Variants in DISP1 observed in about 807,000 individuals in gnomAD.
DISP1 encodes protein dispatched homolog 1.
Under a neutral mutation model 37.3 loss-of-function variants are expected in DISP1, and 30 were observed. The ratio of observed to expected loss-of-function variants is 0.80; its 90% CI spans 0.60 to 1.09. The LOEUF (loss-of-function observed/expected upper bound fraction) is 1.09. DISP1 is among the 50% of genes least tolerant of loss of function. The pLI is 0.00. For missense variants in DISP1, 1,598 were observed against 1,879.5 expected, an observed-to-expected ratio of 0.85 and a Z score of 2.77; for synonymous variants, 634 against 690.2, an observed-to-expected ratio of 0.92 and a Z score of 1.28.
chr1:222,831,978 G>C (rs1286763323), intron 1 of DISP1, among the ~76,000 whole-genome samples: 1 of 152,078 alleles, frequency 6.6e-6, no homozygotes, highest in Admixed American at 6.6e-5. Context: ...GAAAAGTAGA[G>C]TGGGTAAGAA....
chr1:222,873,067 C>T (rs1248405541), intron 1 of DISP1, among the ~76,000 whole-genome samples: 7 of 152,088 alleles, frequency 4.6e-5, no homozygotes, highest in Admixed American at 2.0e-4. Context: ...GTTCAGTTTC[C>T]ATGTAGTTGA....
At chr1:222,968,584 A>G (rs1676676481) in intron 3 of DISP1, among the ~76,000 whole-genome samples, 1 of 152,154 alleles carries the variant, frequency 6.6e-6, no homozygotes, top group Non-Finnish European at 1.5e-5. Context: ...TTATTTTTAC[A>G]ATATTGGGTG....
intron 1 of DISP1, among the ~76,000 whole-genome samples, chr1:222,856,655 G>T (rs978695179): frequency 6.6e-5 from 10 of 151,562 alleles, no homozygotes; most frequent in Non-Finnish European, 1.3e-4. Context: ...TGCCATTTGG[G>T]CAAGAATATT....
chr1:222,884,429 C>G (rs1390642967), intron 1 of DISP1, among the ~76,000 whole-genome samples: 1 of 152,194 alleles, frequency 6.6e-6, no homozygotes, highest in Non-Finnish European at 1.5e-5. Context: ...TCCGTAGTCT[C>G]TTCCAATCTG....
chr1:222,909,782 G>C (rs2125419197), intron 1 of DISP1, among the ~76,000 whole-genome samples: 1 of 152,288 alleles, frequency 6.6e-6, no homozygotes, highest in South Asian at 2.1e-4. Flanking sequence ...CAAGCTCCTG[G>C]CCAGAAGCAG....
At chr1:222,864,580 GA>G (rs1669070652) in intron 1 of DISP1, among the ~76,000 whole-genome samples, 1 of 151,796 alleles carries the variant, frequency 6.6e-6, no homozygotes. Flanking sequence ...CAATAAAATT[GA>G]TCTATTAAAA....
chr1:222,820,628 G>A (rs894384250), intron 1 of DISP1, among the ~76,000 whole-genome samples: 1 of 152,264 alleles, frequency 6.6e-6, no homozygotes, highest in East Asian at 1.9e-4. Flanking sequence ...CTGAATTATG[G>A]TAATAATAAT....
At chr1:222,989,969 AT>A (rs1678574476) in intron 4 of DISP1, among the ~76,000 whole-genome samples, 1 of 151,630 alleles carries the variant, frequency 6.6e-6, no homozygotes, top group African/African-American at 2.4e-5. Flanking sequence ...TGCCCAACTA[AT>A]TTTTTGTATT....
chr1:222,857,458 G>T (rs1453082978), intron 1 of DISP1, among the ~76,000 whole-genome samples: 2 of 152,078 alleles, frequency 1.3e-5, no homozygotes, highest in Admixed American at 1.3e-4. Flanking sequence ...AAGAAAGAAA[G>T]CATAGTCAAA....
chr1:222,896,172 G>A (rs892366635), intron 1 of DISP1, among the ~76,000 whole-genome samples: 3 of 152,092 alleles, frequency 2.0e-5, no homozygotes, highest in Admixed American at 6.5e-5. Context: ...AGCTGAGCAT[G>A]GTGATGCATG....
chr1:222,842,316 A>ATTTT (rs1409155560), intron 1 of DISP1, among the ~76,000 whole-genome samples: 82 of 149,202 alleles, frequency 5.5e-4, no homozygotes, highest in Non-Finnish European at 8.4e-4. Context: ...GTCATTTTAA[A>ATTTT]AAAAAAAAAA....
intron 1 of DISP1, among the ~76,000 whole-genome samples, chr1:222,816,316 T>C (rs1661244184): frequency 1.3e-5 from 2 of 152,146 alleles, no homozygotes; most frequent in Admixed American, 6.6e-5. Context: ...CTACATAATA[T>C]AGTGTTTCAC....
At chr1:222,905,919 G>C (rs1300217303) in intron 1 of DISP1, among the ~76,000 whole-genome samples, 4 of 152,188 alleles carry the variant, frequency 2.6e-5, no homozygotes, top group Admixed American at 2.0e-4. Context: ...CATTAACTAT[G>C]TATTGCTATA....
At chr1:222,940,080 C>T (rs1385516375) in intron 2 of DISP1, among the ~76,000 whole-genome samples, 1 of 151,082 alleles carries the variant, frequency 6.6e-6, no homozygotes, top group Non-Finnish European at 1.5e-5. Context: ...GAGCCGAGAT[C>T]GCGCCACTGC....
At chr1:222,946,988 G>T (rs981569556) in intron 3 of DISP1, among the ~76,000 whole-genome samples, 74 of 152,186 alleles carry the variant, frequency 4.9e-4, no homozygotes, top group African/African-American at 1.6e-3. Context: ...ATAGATTTGT[G>T]TGTGTTTGTG....
In DISP1 at chr1:223,005,113, T is replaced by C. The variant is rs115615723; in HGVS notation, c.3716T>C (p.Leu1239Pro). 971 of 1,614,162 alleles carry C rather than the reference T, an allele frequency of 6.0e-4. 6 individuals are homozygous for C. The African/African-American group carries it at 0.012, about 20-fold the overall frequency. Residue 1239 changes from leucine (L) to proline (P), a missense_variant, in exon 9 of 9, where the codon CTC (leucine) becomes CCC (proline). Coordinates refer to ENST00000675850, the MANE Select transcript of DISP1 (RefSeq NM_001377229.1). ...GTGCATGCAGCTTACAACAGTGAACTCAGCAAAAGCACTGAAAGTGACGCT... is the reference window on the plus strand; with the variant it reads ...GTGCATGCAGCTTACAACAGTGAACCCAGCAAAAGCACTGAAAGTGACGCT... Reference protein sequence around the residue: ...MPVHAAYNSELSKSTESDAGS... With the variant: ...MPVHAAYNSEPSKSTESDAGS...
intron 3 of DISP1, among the ~76,000 whole-genome samples, chr1:222,950,524 C>T (rs137885147): frequency 0.11 from 16,024 of 151,796 alleles, 1,157 homozygotes; most frequent in African/African-American, 0.2. Flanking sequence ...GGCCTGAACC[C>T]GGGAGGCAGA....
At chr1:222,960,865 G>C (rs1165969097) in intron 3 of DISP1, among the ~76,000 whole-genome samples, 1 of 152,076 alleles carries the variant, frequency 6.6e-6, no homozygotes, top group Non-Finnish European at 1.5e-5. Context: ...AGAAAATCTA[G>C]AAGAAATGGA....
At chr1:222,936,920 T>A (rs1673927054) in intron 2 of DISP1, among the ~76,000 whole-genome samples, 11 of 60,360 alleles carry the variant, frequency 1.8e-4, no homozygotes, top group African/African-American at 5.7e-4. Flanking sequence ...TATTATATAT[T>A]ATATAATATG....
Sources: gnomAD v4.1 joint callset for allele counts (sites outside exome capture counted in the v4.1 genomes callset) on GRCh38, gnomAD v4.1.1 for gene constraint, MANE v1.5 for transcripts, NCBI Gene and HGNC (gene_info 2026-07-23, HGNC 2026-07-21) for gene names.